Variants in TADA2A observed in about 807,000 individuals in gnomAD.
TADA2A encodes transcriptional adaptor 2A.
Under a neutral mutation model 67.4 loss-of-function variants are expected in TADA2A, and 38 were observed. The observed-to-expected ratio is 0.56, with a 90% confidence interval of 0.44 to 0.74. The LOEUF is 0.74. TADA2A is among the 30% of genes least tolerant of loss of function. TADA2A has a pLI of 0.00. For missense variants in TADA2A, 454 were observed against 547.0 expected (o/e 0.83, Z 1.70); for synonymous variants, 192 against 181.6 (o/e 1.06, Z -0.46).
At chr17:37,411,783 T>A (rs552694937) in intron 2 of TADA2A, among the ~76,000 whole-genome samples, 11 of 151,778 alleles carry the variant, frequency 7.2e-5, no homozygotes, top group Admixed American at 5.3e-4. Context: ...GGAAGAAAAA[T>A]AAACGATGAA....
intron 4 of TADA2A, among the ~76,000 whole-genome samples, chr17:37,431,353 T>C (rs561071153): frequency 5.3e-5 from 8 of 152,148 alleles, no homozygotes; most frequent in African/African-American, 1.9e-4. Context: ...AAGAGGGTTA[T>C]GAATTTAGTA....
At chr17:37,415,526 G>A (rs2052014692) in intron 2 of TADA2A, among the ~76,000 whole-genome samples, 1 of 152,068 alleles carries the variant, frequency 6.6e-6, no homozygotes, top group African/African-American at 2.4e-5. Flanking sequence ...AGATTGCTGG[G>A]TCAAAAGATA....
intron 8 of TADA2A, among the ~76,000 whole-genome samples, chr17:37,447,323 T>C (rs756997421): frequency 5.3e-5 from 8 of 152,144 alleles, no homozygotes; most frequent in Non-Finnish European, 1.2e-4. Context: ...CCCAGCTAAT[T>C]TTTATATTTT....
Position 37,420,689 on chromosome 17 carries a change from ACTCT to A in TADA2A, c.26-2815_26-2812del, listed in dbSNP as rs1441678922. On this transcript the variant is annotated intron_variant, in intron 2 of 15. Transcript: ENST00000615182. ...ATTATAGGTTTGAGCCACCGTGCCT[ACTCT>A]CTCTATCTTCTTAAAAACAAATAAA... Among the ~76,000 whole-genome samples the A allele has an allele frequency of 2.7e-5, 4 of 145,658 alleles. 1 individual carries two copies. The highest frequency in any genetic ancestry group is 5.0e-5 in the African/African-American group (2 of 40,224).
chr17:37,448,171 T>C (rs986000370), intron 8 of TADA2A, among the ~76,000 whole-genome samples: 2 of 152,234 alleles, frequency 1.3e-5, no homozygotes, highest in Non-Finnish European at 2.9e-5. Flanking sequence ...GCAGACTGTT[T>C]GGCTGGGTTT....
chr17:37,418,634 C>A (rs1170851294), intron 2 of TADA2A, among the ~76,000 whole-genome samples: 1 of 151,666 alleles, frequency 6.6e-6, no homozygotes, highest in Non-Finnish European at 1.5e-5. Flanking sequence ...TGTTGTCACC[C>A]AGGCTGGAGT....
intron 8 of TADA2A, among the ~76,000 whole-genome samples, chr17:37,445,017 T>C (rs1248385734): frequency 6.6e-6 from 1 of 151,850 alleles, no homozygotes; most frequent in Admixed American, 6.6e-5. Flanking sequence ...TGATTTTACT[T>C]TTATCTGAGG....
At chr17:37,475,011 C>T (rs2053864228) in intron 15 of TADA2A, among the ~76,000 whole-genome samples, 1 of 152,006 alleles carries the variant, frequency 6.6e-6, no homozygotes, top group South Asian at 2.1e-4. Context: ...AGAATGGCTG[C>T]CTTGAAAAGT....
At chr17:37,459,472 G>A (rs1430636536) in intron 9 of TADA2A, among the ~76,000 whole-genome samples, 2 of 150,186 alleles carry the variant, frequency 1.3e-5, no homozygotes, top group Admixed American at 6.7e-5. Flanking sequence ...TAATAGAGAT[G>A]GAGTTTTGCC....
rs1000750807 is a variant in TADA2A at position 37,442,749 on chromosome 17, A to G, written c.531+97A>G. On this transcript the variant is annotated intron_variant, in intron 7 of 15. Transcript: ENST00000615182. Reference sequence around the variant, plus strand: ...CCATAGATTCCATACCACTAAAAGGAGATTTTTCAAGGCACTATAATTTGT... The same window carrying G: ...CCATAGATTCCATACCACTAAAAGGGGATTTTTCAAGGCACTATAATTTGT... 4.5e-6 allele frequency: 5 copies of G among 1,112,506 alleles called. No homozygotes were observed. In the African/African-American group the frequency reaches 8.0e-5, roughly 18 times the overall value. 68.9% of individuals were successfully genotyped at this position (1,112,506 alleles called of 1,614,324 possible). A position where few individuals can be genotyped will look rare whatever the true frequency, so the allele number is the denominator to read the frequency against.
intron 8 of TADA2A, 49 bp from the exon 9 acceptor site, chr17:37,458,475 A>AAT (rs761782045): frequency 4.3e-6 from 5 of 1,158,234 alleles, no homozygotes; most frequent in East Asian, 3.3e-5. Flanking sequence ...TTATTTATAT[A>AAT]ATATATATAT....
chr17:37,446,267 G>A (rs545576934), intron 8 of TADA2A, among the ~76,000 whole-genome samples: 87 of 152,106 alleles, frequency 5.7e-4, no homozygotes, highest in Non-Finnish European at 9.6e-4. Flanking sequence ...TGTCAGTCTC[G>A]TCAATCCCAG....
intron 8 of TADA2A, among the ~76,000 whole-genome samples, chr17:37,456,129 G>A (rs758661096): frequency 4.6e-5 from 7 of 152,124 alleles, no homozygotes; most frequent in Non-Finnish European, 8.8e-5. Context: ...CCTTGAACCC[G>A]GGAGGCAGAG....
At chr17:37,422,200 C>T (rs1411248675) in intron 2 of TADA2A, among the ~76,000 whole-genome samples, 1 of 145,492 alleles carries the variant, frequency 6.9e-6, no homozygotes, top group Non-Finnish European at 1.5e-5. Flanking sequence ...TGTGCACCAC[C>T]ACACCTGGCT....
At chr17:37,429,658 T>A (rs757576147) in intron 4 of TADA2A, among the ~76,000 whole-genome samples, 17 of 152,184 alleles carry the variant, frequency 1.1e-4, no homozygotes, top group South Asian at 2.1e-4. Flanking sequence ...TTAGAAAGGG[T>A]GAATCAGCAT....
rs1485716940 is a variant in TADA2A, at chr17:37,406,916, G to A, written c.-131G>A. ...AAGCCCGGAGGCGCGCGCGACCGGCGGCTCTTTGGCGCGGATTAGGGGGTC... is the reference window on the plus strand; with the variant it reads ...AAGCCCGGAGGCGCGCGCGACCGGCAGCTCTTTGGCGCGGATTAGGGGGTC... On this transcript the variant is annotated 5_prime_UTR_variant, in exon 1 of 16. Transcript: ENST00000615182. 6.9e-6 allele frequency: 1 copy of A among 144,734 alleles called. No individual in the cohort carries two copies. Among genetic ancestry groups the A allele is most frequent in the African/African-American group, 2.5e-5 (1 of 40,264 alleles). 9.0% of individuals were successfully genotyped at this position (144,734 alleles called of 1,614,324 possible). A position where few individuals can be genotyped will look rare whatever the true frequency, so the allele number is the denominator to read the frequency against.
rs779125083 is a variant in TADA2A, at chr17:37,477,002, C to T, written c.*20C>T. On this transcript the variant is annotated 3_prime_UTR_variant, in exon 16 of 16. Coordinates refer to ENST00000615182, the MANE Select transcript of TADA2A (RefSeq NM_001166105.3). ...GGCTAAGGCTCCAAGAGCTTGGGAT[C>T]AGAAGTCAGAAGTTTGGAATGTGGT... is the stretch of plus-strand genomic sequence containing the variant. The T allele has an allele frequency of 1.1e-5, 17 of 1,582,788 alleles. No individual in the cohort carries two copies. The highest frequency in any genetic ancestry group is 1.4e-5 in the African/African-American group (1 of 74,006).
At chr17:37,465,881 G>A (rs879644516) in intron 11 of TADA2A, among the ~76,000 whole-genome samples, 41 of 152,130 alleles carry the variant, frequency 2.7e-4, no homozygotes, top group Non-Finnish European at 5.1e-4. Context: ...TTCAACACAT[G>A]GCCAGTCTGG....
chr17:37,473,911 T>C (rs1437817345), intron 14 of TADA2A, among the ~76,000 whole-genome samples: 1 of 152,228 alleles, frequency 6.6e-6, no homozygotes, highest in Admixed American at 6.5e-5. Flanking sequence ...CAGTACTTGG[T>C]TAATTACCAT....
Sources: gnomAD v4.1 joint callset for allele counts (sites outside exome capture counted in the v4.1 genomes callset) on GRCh38, gnomAD v4.1.1 for gene constraint, MANE v1.5 for transcripts, NCBI Gene and HGNC (gene_info 2026-07-23, HGNC 2026-07-21) for gene names.